ACVR1C: variants seen among roughly 807,000 people sequenced by gnomAD.
ACVR1C encodes activin A receptor type 1C.
In ACVR1C, 23 loss-of-function variants were observed where a neutral mutation model predicts 57.9. The ratio of observed to expected loss-of-function variants is 0.40; its 90% CI spans 0.29 to 0.56. The LOEUF (loss-of-function observed/expected upper bound fraction) is 0.56, where lower values mean the gene tolerates loss of function less well. ACVR1C is among the 20% of genes least tolerant of loss of function. The pLI, the probability that ACVR1C is intolerant of heterozygous loss-of-function variation, is 0.50. For missense variants in ACVR1C, 480 were observed against 607.9 expected (o/e 0.79, Z 2.21); for synonymous variants, 214 against 215.3 (o/e 0.99, Z 0.05).
At chr2:157,552,455 A>G (rs1687945916) in intron 3 of ACVR1C, among the ~76,000 whole-genome samples, 1 of 152,174 alleles carries the variant, frequency 6.6e-6, no homozygotes, top group Non-Finnish European at 1.5e-5. Context: ...GCAGGCAACA[A>G]TCAATTTTAC....
At chr2:157,624,542 G>T (rs1682858044) in intron 1 of ACVR1C, among the ~76,000 whole-genome samples, 1 of 152,180 alleles carries the variant, frequency 6.6e-6, no homozygotes, top group South Asian at 2.1e-4. Context: ...CAACAATCAA[G>T]GGAATCAAGA....
In ACVR1C at chr2:157,530,151, T is replaced by C. The variant is rs1687322688; in HGVS notation, c.*3767A>G. 6.6e-6 allele frequency: 1 copy of C among 152,174 alleles called. No individual in the cohort carries two copies. Among genetic ancestry groups the C allele is most frequent in the Admixed American group, 6.6e-5 (1 of 15,260 alleles). 9.4% of individuals were successfully genotyped at this position (152,174 alleles called of 1,614,324 possible). A position where few individuals can be genotyped will look rare whatever the true frequency, so the allele number is the denominator to read the frequency against. On this transcript the variant is annotated 3_prime_UTR_variant, in exon 9 of 9. Transcript: ENST00000243349. Reference sequence around the variant, plus strand: ...GCTTGTAATGATGTGTTTGTGAATTTATTTTAAAGGAATGATTATTGAAGA... The same window carrying C: ...GCTTGTAATGATGTGTTTGTGAATTCATTTTAAAGGAATGATTATTGAAGA...
intron 1 of ACVR1C, among the ~76,000 whole-genome samples, chr2:157,613,180 C>T (rs77140677): frequency 0.063 from 9,651 of 152,184 alleles, 468 homozygotes; most frequent in East Asian, 0.23. Flanking sequence ...CTTTTTCTTC[C>T]GTGTCTCAGT....
chr2:157,544,853 T>C (rs1178944138), intron 4 of ACVR1C, among the ~76,000 whole-genome samples: 1 of 152,190 alleles, frequency 6.6e-6, no homozygotes, highest in Non-Finnish European at 1.5e-5. Context: ...TTGTGATTGA[T>C]TCTAACAACT....
chr2:157,556,057 T>G, intron 3 of ACVR1C, 36 bp downstream of exon 3: 2 of 1,581,006 alleles, frequency 1.3e-6, no homozygotes, highest in Non-Finnish European at 1.7e-6. Flanking sequence ...ATAAAAGTGT[T>G]TTCTTATTTT....
chr2:157,566,719 G>A (rs1452515932), intron 2 of ACVR1C, among the ~76,000 whole-genome samples: 1 of 151,688 alleles, frequency 6.6e-6, no homozygotes, highest in African/African-American at 2.4e-5. Context: ...TACGCCCAGG[G>A]AGTCTCGCTG....
Position 157,544,627 on chromosome 2 carries a change from TA to T in ACVR1C, c.776-16del. 1 of 1,593,586 alleles carries T rather than the reference TA, an allele frequency of 6.3e-7. No homozygotes were observed. Among genetic ancestry groups the T allele is most frequent in the Non-Finnish European group, 8.6e-7 (1 of 1,166,648 alleles). ...AGTTCCATTATCTAACAAGAAAATG[TA>T]ATTTTGTTGTTGTAAATACATATTG... On this transcript the variant is annotated splice_polypyrimidine_tract_variant and intron_variant, in intron 4 of 8. Coordinates refer to ENST00000243349, the MANE Select transcript of ACVR1C (RefSeq NM_145259.3).
Position 157,554,271 on chromosome 2 carries a change from GGA to G in ACVR1C, c.544+1820_544+1821del, listed in dbSNP as rs1491531751. Among the ~76,000 whole-genome samples the G allele has an allele frequency of 2.2e-3, 272 of 121,114 alleles. 11 individuals carry two copies. The highest frequency in any genetic ancestry group is 9.6e-3 in the African/African-American group (257 of 26,702). The allele number at this position is 121,114 out of a possible 152,430, so 79.5% of individuals were successfully genotyped here. ...AGAAAGAAAGAAAGAAAGAAAGAAA[GGA>G]AGGAAGGAAGAGAGAGAGAGAGAGA... On this transcript the variant is annotated intron_variant, in intron 3 of 8. Transcript: ENST00000243349.
intron 8 of ACVR1C, among the ~76,000 whole-genome samples, chr2:157,534,319 GCTAA>G (rs1050428690): frequency 6.6e-6 from 1 of 152,076 alleles, no homozygotes; most frequent in African/African-American, 2.4e-5. Flanking sequence ...TGCCATTGAT[GCTAA>G]CTAAGTTTTG....
At chr2:157,622,035 G>C (rs192907660) in intron 1 of ACVR1C, among the ~76,000 whole-genome samples, 1 of 152,084 alleles carries the variant, frequency 6.6e-6, no homozygotes, top group Admixed American at 6.5e-5. Context: ...GCTAGTGTTT[G>C]GGTATTCCTA....
At chr2:157,602,450 C>T (rs1226848274) in intron 1 of ACVR1C, among the ~76,000 whole-genome samples, 1 of 152,168 alleles carries the variant, frequency 6.6e-6, no homozygotes, top group Non-Finnish European at 1.5e-5. Context: ...CATCTTCATA[C>T]ACAGTTGGCA....
chr2:157,597,074 T>A (rs143522731), intron 1 of ACVR1C, among the ~76,000 whole-genome samples: 32 of 152,230 alleles, frequency 2.1e-4, no homozygotes, highest in African/African-American at 7.2e-4. Context: ...TCAGCCTTCC[T>A]GCCGTTCGGA....
intron 1 of ACVR1C, among the ~76,000 whole-genome samples, chr2:157,595,363 G>A (rs1026119921): frequency 3.3e-5 from 5 of 152,178 alleles, no homozygotes; most frequent in Non-Finnish European, 7.3e-5. Context: ...TGTTTCCTTA[G>A]GGAGGATACA....
At chr2:157,599,314 CAAAAAAAAAAAAAAAAAAAAAA>C (rs60182304) in intron 1 of ACVR1C, among the ~76,000 whole-genome samples, 7 of 40,608 alleles carry the variant, frequency 1.7e-4, no homozygotes, top group East Asian at 9.1e-4. Context: ...AGCCTGGGCT[CAAAAAAAAAAAAAAAAAAAAAA>C]AAAAAAAAAA....
chr2:157,596,646 A>G (rs1233145911), intron 1 of ACVR1C, among the ~76,000 whole-genome samples: 1 of 152,142 alleles, frequency 6.6e-6, no homozygotes, highest in Non-Finnish European at 1.5e-5. Flanking sequence ...CCAATTTATG[A>G]TTTGTTTTTT....
At chr2:157,541,264 C>A in intron 6 of ACVR1C, 50 bp from the exon 7 acceptor site, 1 of 1,552,552 alleles carries the variant, frequency 6.4e-7, no homozygotes, top group Non-Finnish European at 8.7e-7. Context: ...TATAGCAGTC[C>A]AGTAAAACAA....
At chr2:157,626,511 A>C (rs1292240803) in intron 1 of ACVR1C, among the ~76,000 whole-genome samples, 2 of 152,242 alleles carry the variant, frequency 1.3e-5, no homozygotes, top group Non-Finnish European at 2.9e-5. Context: ...AGTTTCACTG[A>C]CTATGTCATT....
At chr2:157,591,009 A>T (rs1411571243) in intron 1 of ACVR1C, among the ~76,000 whole-genome samples, 2 of 152,150 alleles carry the variant, frequency 1.3e-5, no homozygotes, top group Non-Finnish European at 2.9e-5. Context: ...TGTCTGGCAC[A>T]TAGGAAATAC....
intron 2 of ACVR1C, among the ~76,000 whole-genome samples, chr2:157,576,295 T>A (rs1573931249): frequency 1.5e-5 from 2 of 133,564 alleles, no homozygotes; most frequent in South Asian, 5.0e-4. Context: ...AACCTCCACC[T>A]CCCGGGTTCA....
Sources: allele counts gnomAD v4.1 joint callset (sites outside exome capture counted in the v4.1 genomes callset), GRCh38; gene constraint gnomAD v4.1.1; transcripts MANE v1.5; gene names NCBI Gene and HGNC (gene_info 2026-07-23, HGNC 2026-07-21).